Variants in SLIT1 observed in about 807,000 individuals in gnomAD.
SLIT1 encodes slit guidance ligand 1.
A neutral mutation model predicts 186.1 loss-of-function variants in SLIT1; 66 were observed. That is an observed-to-expected ratio of 0.35 (90% CI 0.29 to 0.44). The LOEUF (loss-of-function observed/expected upper bound fraction) is 0.44, where lower values mean the gene tolerates loss of function less well. Among genes scored for constraint, SLIT1 ranks in the 20% least tolerant of loss-of-function variants. The pLI, the probability that SLIT1 is intolerant of heterozygous loss-of-function variation, is 1.00. For synonymous variants in SLIT1, 761 were observed against 833.8 expected (o/e 0.91, Z 1.50); for missense variants, 1,638 against 2,037.4 (o/e 0.80, Z 3.77).
chr10:97,065,967 G>GT (rs1464676226), intron 5 of SLIT1, 48 bp downstream of exon 5: 1 of 1,364,650 alleles, frequency 7.3e-7, no homozygotes, highest in African/African-American at 1.4e-5. Context: ...GCTGCCAGGA[G>GT]TGGCCCTGGA....
intron 4 of SLIT1, chr10:97,154,060 T>C: frequency 6.6e-6 from 1 of 152,254 alleles, no homozygotes; most frequent in Non-Finnish European, 1.5e-5. Flanking sequence ...CCAGACCAAC[T>C]GGGGGAGTTA....
intron 11 of SLIT1, among the ~76,000 whole-genome samples, chr10:97,058,993 A>C (rs1848866465): frequency 6.6e-6 from 1 of 152,238 alleles, no homozygotes; most frequent in Admixed American, 6.5e-5. Flanking sequence ...AGCAGCACCC[A>C]CCACATCTTG....
At chr10:97,060,988 G>T (rs1477003193) in intron 8 of SLIT1, among the ~76,000 whole-genome samples, 1 of 152,264 alleles carries the variant, frequency 6.6e-6, no homozygotes, top group East Asian at 1.9e-4. Context: ...GTTCTTGTCA[G>T]ATGTTTGCTG....
chr10:97,179,812 G>A (rs1014428846), intron 1 of SLIT1, among the ~76,000 whole-genome samples: 2 of 83,224 alleles, frequency 2.4e-5, no homozygotes, highest in Non-Finnish European at 5.7e-5. Context: ...CCCGCCCCCC[G>A]GCACAGCCCA....
intron 22 of SLIT1, among the ~76,000 whole-genome samples, chr10:97,037,256 G>A (rs564125994): frequency 3.9e-5 from 6 of 151,956 alleles, no homozygotes; most frequent in Non-Finnish European, 8.8e-5. Flanking sequence ...CACCATGCCC[G>A]GCTAATTTTG....
chr10:97,059,659 G>T, intron 10 of SLIT1, 128 bp from the exon 11 acceptor site: 1 of 726,008 alleles, frequency 1.4e-6, no homozygotes, highest in Non-Finnish European at 2.5e-6. Flanking sequence ...AATAGTGAGA[G>T]GCCAGATCTC....
chr10:97,082,727 C>T (rs1849117870), intron 4 of SLIT1, among the ~76,000 whole-genome samples: 1 of 152,296 alleles, frequency 6.6e-6, no homozygotes, highest in Middle Eastern at 3.4e-3. Context: ...AGCCACCACG[C>T]CCAGCCTCAT....
intron 23 of SLIT1, 56 bp downstream of exon 23, chr10:97,034,415 G>T: frequency 1.6e-6 from 2 of 1,237,208 alleles, no homozygotes; most frequent in Non-Finnish European, 1.2e-6. Context: ...TGGGGCTAGG[G>T]AATGACTCAC....
chr10:97,155,689 A>G (rs1258689075), intron 4 of SLIT1, among the ~76,000 whole-genome samples: 2 of 152,250 alleles, frequency 1.3e-5, no homozygotes, highest in Non-Finnish European at 2.9e-5. Flanking sequence ...GCAACGGATC[A>G]CTATGGGAAG....
At chr10:97,126,331 T>C (rs1849603444) in intron 4 of SLIT1, among the ~76,000 whole-genome samples, 1 of 151,952 alleles carries the variant, frequency 6.6e-6, no homozygotes, top group Non-Finnish European at 1.5e-5. Flanking sequence ...CCCCACGGGG[T>C]GAACAATGAA....
intron 25 of SLIT1, among the ~76,000 whole-genome samples, chr10:97,026,615 A>T (rs185423468): frequency 2.6e-5 from 4 of 152,220 alleles, no homozygotes; most frequent in African/African-American, 7.2e-5. Flanking sequence ...GCATTTGGAC[A>T]TCTAGCTTTC....
In SLIT1 at chr10:97,003,115, TGCAAC is replaced by T. The variant is rs1216531061; in HGVS notation, c.3866-128_3866-124del. 3 of 930,356 alleles carry T rather than the reference TGCAAC, an allele frequency of 3.2e-6. No individual in the cohort carries two copies. The African/African-American group carries it at 4.9e-5, about 15-fold the overall frequency. The allele number at this position is 930,356 out of a possible 1,614,324, so 57.6% of individuals were successfully genotyped here. A position where few individuals can be genotyped will look rare whatever the true frequency, so the allele number is the denominator to read the frequency against. On this transcript the variant is annotated intron_variant, in intron 34 of 36. Coordinates refer to ENST00000266058, the MANE Select transcript of SLIT1 (RefSeq NM_003061.3). ...GCCTGCGGCCTCTGTCCTTCATCTC[TGCAAC>T]CCTGATCCAAGGTCCTTTGCCACCT... is the stretch of plus-strand genomic sequence containing the variant.
chr10:97,183,457 C>T (rs1337426010), intron 1 of SLIT1, among the ~76,000 whole-genome samples: 1 of 152,200 alleles, frequency 6.6e-6, no homozygotes, highest in African/African-American at 2.4e-5. Flanking sequence ...GAACCAGAGA[C>T]CTTATGTAGC....
Position 97,000,974 on chromosome 10 carries a change from A to AC in SLIT1, c.*137dup. 1.5e-6 allele frequency: 1 copy of AC among 672,612 alleles called. No individual in the cohort carries two copies. 41.7% of individuals were successfully genotyped at this position (672,612 alleles called of 1,614,324 possible). ...GCTTTTAAAAGGCTGCTCTGGCACC[A>AC]CCCCACCCAGGAGGGCCCAGCTGCC... On this transcript the variant is annotated 3_prime_UTR_variant, in exon 37 of 37. Coordinates refer to ENST00000266058, the MANE Select transcript of SLIT1 (RefSeq NM_003061.3).
chr10:97,105,960 T>C (rs7911034), intron 4 of SLIT1, among the ~76,000 whole-genome samples: 44,269 of 152,016 alleles, frequency 0.29, 7,030 homozygotes, highest in African/African-American at 0.43. Context: ...ACAGAACCTC[T>C]AGGCAAGAAG....
intron 4 of SLIT1, among the ~76,000 whole-genome samples, chr10:97,101,058 G>A (rs1314860671): frequency 6.6e-6 from 1 of 152,202 alleles, no homozygotes; most frequent in Non-Finnish European, 1.5e-5. Flanking sequence ...AGCCCTTAAC[G>A]TTGCCAGTGT....
intron 4 of SLIT1, among the ~76,000 whole-genome samples, chr10:97,076,029 C>T (rs1277193208): frequency 6.6e-6 from 1 of 152,158 alleles, no homozygotes; most frequent in Non-Finnish European, 1.5e-5. Context: ...CTGCAGCTCA[C>T]CAAGGCCCGC....
chr10:97,064,679 G>A (rs1434363368), intron 6 of SLIT1, 126 bp downstream of exon 6: 1 of 680,374 alleles, frequency 1.5e-6, no homozygotes, highest in South Asian at 1.9e-5. Context: ...CCTCCTCCGA[G>A]GTGATTCTAG....
chr10:97,102,149 CG>C (rs1353687594), intron 4 of SLIT1: 2 of 152,200 alleles, frequency 1.3e-5, no homozygotes, highest in Non-Finnish European at 2.9e-5. Flanking sequence ...TGGCCGGGCG[CG>C]GTGGCTTACG....
Sources: allele counts gnomAD v4.1 joint callset (sites outside exome capture counted in the v4.1 genomes callset), GRCh38; gene constraint gnomAD v4.1.1; transcripts MANE v1.5; gene names NCBI Gene and HGNC (gene_info 2026-07-23, HGNC 2026-07-21).